The following MYT1L variants were observed in gnomAD, a reference collection of about 807,000 sequenced individuals.
The protein encoded by MYT1L is myelin transcription factor 1-like protein.
Under a neutral mutation model 126.7 loss-of-function variants are expected in MYT1L, and 12 were observed. The observed-to-expected ratio is 0.09, with a 90% CI of 0.06 to 0.15. The LOEUF is 0.15. MYT1L is among the 10% of genes least tolerant of loss of function. MYT1L has a pLI of 1.00. For missense variants in MYT1L, 979 were observed against 1,585.2 expected, an observed-to-expected ratio of 0.62 and a Z score of 6.49; for synonymous variants, 541 against 604.2, an observed-to-expected ratio of 0.90 and a Z score of 1.53.
Position 2,259,749 on chromosome 2 carries a change from C to T in MYT1L, c.-421+24655G>A, listed in dbSNP as rs547037916. Among the ~76,000 whole-genome samples, 302 of 152,266 alleles carry T rather than the reference C, an allele frequency of 2.0e-3. 2 individuals are homozygous for T. The highest frequency in any genetic ancestry group is 6.8e-3 in the African/African-American group (281 of 41,550). On this transcript the variant is annotated intron_variant, in intron 2 of 24. Coordinates refer to ENST00000647738, the MANE Select transcript of MYT1L (RefSeq NM_001303052.2). ...GATGTCAAGGTACGGGTCATCCCGA[C>T]GGCAGATGGGCTTCAGGATTGGGAA... is the stretch of plus-strand genomic sequence containing the variant.
intron 21 of MYT1L, chr2:1,827,085 C>G (rs2039465672): frequency 6.6e-6 from 1 of 152,358 alleles, no homozygotes; most frequent in Non-Finnish European, 1.5e-5. Flanking sequence ...GACTAGAGAT[C>G]ACGGCCTGGA....
Position 1,840,660 on chromosome 2 carries a change from C to T in MYT1L, c.2858+100G>A, listed in dbSNP as rs137967400. The T allele has an allele frequency of 2.9e-4, 251 of 863,088 alleles. 2 individuals carry two copies. The East Asian group carries it at 6.4e-3, about 22-fold the overall frequency. The allele number at this position is 863,088 out of a possible 1,614,324, so 53.5% of individuals were successfully genotyped here. On this transcript the variant is annotated intron_variant, in intron 20 of 24. Coordinates refer to ENST00000647738, the MANE Select transcript of MYT1L (RefSeq NM_001303052.2). ...ATCTCAAAGAATGGCCACTAAGACC[C>T]GCTGTCTCTTTTTCTTGTTGACATA...
At chr2:2,274,351 G>A (rs1002425238) in intron 2 of MYT1L, among the ~76,000 whole-genome samples, 1 of 151,012 alleles carries the variant, frequency 6.6e-6, no homozygotes, top group African/African-American at 2.4e-5. Flanking sequence ...GGGAGGGTAG[G>A]AGAGAAGGGA....
chr2:2,269,128 G>A (rs1206564190), intron 2 of MYT1L, among the ~76,000 whole-genome samples: 2 of 152,142 alleles, frequency 1.3e-5, no homozygotes, highest in East Asian at 1.9e-4. Context: ...GCCATCTATC[G>A]CTCAACACTT....
intron 3 of MYT1L, among the ~76,000 whole-genome samples, chr2:2,135,382 A>G (rs1453895386): frequency 6.6e-6 from 1 of 152,168 alleles, no homozygotes; most frequent in African/African-American, 2.4e-5. Context: ...CATGATTGTG[A>G]GGCCTCCCAG....
intron 2 of MYT1L, among the ~76,000 whole-genome samples, chr2:2,219,787 G>A (rs2093801387): frequency 6.6e-6 from 1 of 152,180 alleles, no homozygotes; most frequent in South Asian, 2.1e-4. Flanking sequence ...GATGCATCAG[G>A]TTATAAATGA....
chr2:1,965,451 T>C (rs112071146), intron 8 of MYT1L, among the ~76,000 whole-genome samples: 37 of 112,760 alleles, frequency 3.3e-4, no homozygotes, highest in African/African-American at 4.7e-4. Context: ...AGAGGAGGAC[T>C]CAGACTCTGT....
intron 4 of MYT1L, among the ~76,000 whole-genome samples, chr2:2,014,276 T>C (rs898541155): frequency 2.0e-5 from 3 of 151,632 alleles, no homozygotes; most frequent in African/African-American, 7.3e-5. Context: ...AATGCCTTAA[T>C]AACCAGCCCT....
chr2:2,263,950 G>A (rs111651767), intron 2 of MYT1L, among the ~76,000 whole-genome samples: 10 of 152,110 alleles, frequency 6.6e-5, no homozygotes, highest in African/African-American at 1.9e-4. Context: ...AGAACTCAAA[G>A]TATAATTTTA....
chr2:2,110,724 T>C (rs1028895566), intron 3 of MYT1L, among the ~76,000 whole-genome samples: 1 of 152,154 alleles, frequency 6.6e-6, no homozygotes, highest in African/African-American at 2.4e-5. Context: ...TCAAACTCTC[T>C]GGCACCTTCT....
intron 18 of MYT1L, among the ~76,000 whole-genome samples, chr2:1,880,982 A>AT (rs2148791416): frequency 6.6e-6 from 1 of 152,360 alleles, no homozygotes; most frequent in South Asian, 2.1e-4. Flanking sequence ...TGTTTCATCA[A>AT]GCCCTTTAAA....
At chr2:2,013,041 G>A (rs967470872) in intron 4 of MYT1L, among the ~76,000 whole-genome samples, 8 of 152,130 alleles carry the variant, frequency 5.3e-5, no homozygotes, top group African/African-American at 1.4e-4. Context: ...AGGTGCCCAC[G>A]GGGGGTCTTG....
chr2:2,165,994 A>T (rs1281688558), intron 3 of MYT1L, among the ~76,000 whole-genome samples: 1 of 140,022 alleles, frequency 7.1e-6, no homozygotes, highest in East Asian at 2.0e-4. Context: ...AGAATTTTAG[A>T]AAGAAGAGCA....
At chr2:1,846,295 G>A (rs996777131) in intron 19 of MYT1L, among the ~76,000 whole-genome samples, 8 of 152,168 alleles carry the variant, frequency 5.3e-5, no homozygotes, top group Admixed American at 1.3e-4. Context: ...GACAGACTAC[G>A]TACTCAAATA....
chr2:2,061,597 T>C (rs573430113), intron 3 of MYT1L, among the ~76,000 whole-genome samples: 2 of 152,238 alleles, frequency 1.3e-5, no homozygotes, highest in Non-Finnish European at 2.9e-5. Flanking sequence ...CTGAAGAACT[T>C]TGATGCCCTC....
At chr2:2,164,525 G>C (rs2088667113) in intron 3 of MYT1L, among the ~76,000 whole-genome samples, 1 of 152,138 alleles carries the variant, frequency 6.6e-6, no homozygotes, top group African/African-American at 2.4e-5. Flanking sequence ...TGACTTCTGA[G>C]CCACTGAGGG....
intron 4 of MYT1L, among the ~76,000 whole-genome samples, chr2:2,028,828 C>T (rs1574644989): frequency 1.3e-5 from 2 of 151,794 alleles, no homozygotes; most frequent in South Asian, 2.1e-4. Flanking sequence ...CAATGGGAGA[C>T]GCAAAGGAAA....
At chr2:1,834,006 G>A (rs1054898645) in intron 21 of MYT1L, among the ~76,000 whole-genome samples, 2 of 152,246 alleles carry the variant, frequency 1.3e-5, no homozygotes, top group African/African-American at 4.8e-5. Context: ...ATGTGAGCAG[G>A]GCCCCAAACC....
At chr2:2,238,261 C>G (rs2094365977) in intron 2 of MYT1L, among the ~76,000 whole-genome samples, 1 of 152,098 alleles carries the variant, frequency 6.6e-6, no homozygotes, top group South Asian at 2.1e-4. Context: ...AACCCATGAG[C>G]TGTGTGTCTC....
Sources: gnomAD v4.1 joint callset for allele counts (sites outside exome capture counted in the v4.1 genomes callset) on GRCh38, gnomAD v4.1.1 for gene constraint, MANE v1.5 for transcripts, NCBI Gene and HGNC (gene_info 2026-07-23, HGNC 2026-07-21) for gene names.